The following ZBTB20 variants were observed in gnomAD, a reference collection of about 807,000 sequenced individuals.
ZBTB20 encodes the protein zinc finger and BTB domain containing 20, also known as zinc finger and BTB domain-containing protein 20.
A neutral mutation model predicts 56.9 loss-of-function variants in ZBTB20; 9 were observed. The ratio of observed to expected loss-of-function variants is 0.16; its 90% CI spans 0.10 to 0.28. ZBTB20 has a LOEUF of 0.28. Among genes scored for constraint, ZBTB20 ranks in the 10% least tolerant of loss-of-function variants. The pLI, the probability that ZBTB20 is intolerant of heterozygous loss-of-function variation, is 1.00. For missense variants in ZBTB20, 655 were observed against 1,003.0 expected, an observed-to-expected ratio of 0.65 and a Z score of 4.69; for synonymous variants, 417 against 420.7, an observed-to-expected ratio of 0.99 and a Z score of 0.11.
intron 5 of ZBTB20, among the ~76,000 whole-genome samples, chr3:114,705,577 C>T (rs2063668324): frequency 6.6e-6 from 1 of 152,278 alleles, no homozygotes; most frequent in African/African-American, 2.4e-5. Flanking sequence ...TCTCTTGGCA[C>T]AACACTTCCA....
Position 114,785,990 on chromosome 3 carries a change from C to CT in ZBTB20, c.-343+15110dup, listed in dbSNP as rs942301953. Among the ~76,000 whole-genome samples, 5 of 151,620 alleles carry CT rather than the reference C, an allele frequency of 3.3e-5. No individual in the cohort carries two copies. The South Asian group carries it at 1.0e-3, about 32-fold the overall frequency. ...TTATTCTTTACACTTTTGAAATCTA[C>CT]TTTTTTTTTCTTAATTTAATTTTAA... On this transcript the variant is annotated intron_variant, in intron 5 of 11. Coordinates refer to ENST00000675478, the MANE Select transcript of ZBTB20 (RefSeq NM_001348800.3).
intron 7 of ZBTB20, among the ~76,000 whole-genome samples, chr3:114,413,018 G>A (rs535854065): frequency 4.0e-4 from 61 of 152,258 alleles, no homozygotes; most frequent in Non-Finnish European, 8.1e-4. Flanking sequence ...AATTTTGATA[G>A]AGGAAGGGGA....
intron 1 of ZBTB20, among the ~76,000 whole-genome samples, chr3:115,076,791 C>A (rs972771959): frequency 3.9e-5 from 6 of 152,172 alleles, no homozygotes; most frequent in Admixed American, 3.9e-4. Flanking sequence ...CAGTGATTCC[C>A]AACCTTTCTG....
chr3:114,662,622 T>C (rs1456882520), intron 6 of ZBTB20, among the ~76,000 whole-genome samples: 6 of 141,026 alleles, frequency 4.3e-5, no homozygotes, highest in Admixed American at 3.6e-4. Context: ...TGATATCTCA[T>C]AGTGGTTTTG....
chr3:114,637,949 ACAGT>A (rs1235307458), intron 6 of ZBTB20, among the ~76,000 whole-genome samples: 2 of 152,032 alleles, frequency 1.3e-5, no homozygotes, highest in East Asian at 3.9e-4. Context: ...CCCCACTATT[ACAGT>A]GGAAGTGGAC....
chr3:114,694,309 T>G (rs577095820), intron 5 of ZBTB20, among the ~76,000 whole-genome samples: 1 of 152,182 alleles, frequency 6.6e-6, no homozygotes, highest in South Asian at 2.1e-4. Flanking sequence ...TTATATAATC[T>G]GCATTTAAAA....
chr3:115,122,472 C>A (rs1292690229), intron 1 of ZBTB20, among the ~76,000 whole-genome samples: 3 of 151,944 alleles, frequency 2.0e-5, no homozygotes, highest in African/African-American at 7.2e-5. Flanking sequence ...GTTCCTCAAC[C>A]AAAAAATTAC....
intron 3 of ZBTB20, among the ~76,000 whole-genome samples, chr3:114,953,710 G>T (rs2077153119): frequency 6.6e-6 from 1 of 151,724 alleles, no homozygotes; most frequent in African/African-American, 2.4e-5. Context: ...AATACATGAA[G>T]ACATAAAAAC....
At chr3:114,934,234 CT>C (rs2076455359) in intron 3 of ZBTB20, among the ~76,000 whole-genome samples, 1 of 152,182 alleles carries the variant, frequency 6.6e-6, no homozygotes, top group Admixed American at 6.5e-5. Context: ...TTCCCCATTT[CT>C]AGACTCTGCC....
At chr3:115,050,440 T>C (rs1420341092) in intron 2 of ZBTB20, among the ~76,000 whole-genome samples, 1 of 151,936 alleles carries the variant, frequency 6.6e-6, no homozygotes, top group African/African-American at 2.4e-5. Flanking sequence ...TGACATTTGA[T>C]AAATACATGA....
At chr3:114,994,656 T>C (rs2078954114) in intron 2 of ZBTB20, among the ~76,000 whole-genome samples, 1 of 151,996 alleles carries the variant, frequency 6.6e-6, no homozygotes, top group Non-Finnish European at 1.5e-5. Context: ...ATTATTGGGA[T>C]GTGTGTGCCT....
chr3:115,115,326 G>A (rs1349447583), intron 1 of ZBTB20, among the ~76,000 whole-genome samples: 2 of 151,946 alleles, frequency 1.3e-5, no homozygotes, highest in East Asian at 3.9e-4. Flanking sequence ...TGTAACTATA[G>A]ATAACATAGA....
intron 6 of ZBTB20, among the ~76,000 whole-genome samples, chr3:114,506,376 C>T (rs1199590683): frequency 6.6e-6 from 1 of 152,110 alleles, no homozygotes; most frequent in Admixed American, 6.5e-5. Flanking sequence ...CAATGTAACA[C>T]TCCATCCCAC....
rs576411303 is a variant in ZBTB20, at chr3:114,818,617, A to G, written c.-416-17443T>C. The stretch of plus-strand genomic sequence containing the variant: ...TATTTACCAGAAAAAAAAGATTAAT[A>G]AAAGTCAACGTCCATTCCTAATAAT... On this transcript the variant is annotated intron_variant, in intron 4 of 11. Coordinates refer to ENST00000675478, the MANE Select transcript of ZBTB20 (RefSeq NM_001348800.3). Among the ~76,000 whole-genome samples, 4 of 152,176 alleles carry G rather than the reference A, an allele frequency of 2.6e-5. No individual in the cohort carries two copies. The East Asian group carries it at 7.7e-4, about 29-fold the overall frequency.
intron 6 of ZBTB20, among the ~76,000 whole-genome samples, chr3:114,528,228 T>C (rs918271108): frequency 1.3e-5 from 2 of 152,136 alleles, no homozygotes; most frequent in African/African-American, 2.4e-5. Flanking sequence ...AGCATCTATG[T>C]CAATTAAAAT....
At chr3:114,709,359 T>C (rs1578456511) in intron 5 of ZBTB20, among the ~76,000 whole-genome samples, 1 of 151,922 alleles carries the variant, frequency 6.6e-6, no homozygotes, top group South Asian at 2.1e-4. Flanking sequence ...AGACCACAAA[T>C]AGAAAGAAAA....
At chr3:115,079,484 G>T (rs1334499121) in intron 1 of ZBTB20, among the ~76,000 whole-genome samples, 2 of 152,162 alleles carry the variant, frequency 1.3e-5, no homozygotes, top group Non-Finnish European at 2.9e-5. Context: ...CGCCTCCTGG[G>T]TTCAAGCGAT....
intron 10 of ZBTB20, among the ~76,000 whole-genome samples, chr3:114,364,325 C>A (rs2082179020): frequency 1.3e-5 from 2 of 152,102 alleles, no homozygotes; most frequent in African/African-American, 4.8e-5. Flanking sequence ...GTGGCGCATG[C>A]CTATAATTCG....
rs1207377055 is a variant in ZBTB20, at chr3:114,983,445, ATTGT to A, written c.-506-9033_-506-9030del. 2.0e-5 allele frequency among the ~76,000 whole-genome samples: 3 copies of A among 152,004 alleles called. No individual in the cohort carries two copies. The East Asian group carries it at 5.8e-4, about 29-fold the overall frequency. ...GAACCAGATTTAGAACCGGAGAAGC[ATTGT>A]TTCTCAAGGCCGTTCTTGTCTTCAT... On this transcript the variant is annotated intron_variant, in intron 2 of 11. Coordinates refer to ENST00000675478, the MANE Select transcript of ZBTB20 (RefSeq NM_001348800.3).
Sources: allele counts gnomAD v4.1 joint callset (sites outside exome capture counted in the v4.1 genomes callset), GRCh38; gene constraint gnomAD v4.1.1; transcripts MANE v1.5; gene names NCBI Gene and HGNC (gene_info 2026-07-23, HGNC 2026-07-21).